Variants in DPP6 observed in about 807,000 individuals in gnomAD.
The protein encoded by DPP6 is A-type potassium channel modulatory protein DPP6.
A neutral mutation model predicts 122.6 loss-of-function variants in DPP6; 69 were observed. That is an observed-to-expected ratio of 0.56 (90% CI 0.46 to 0.69). DPP6 has a LOEUF of 0.69. DPP6 is among the 30% of genes least tolerant of loss of function. DPP6 has a pLI of 0.00. For missense variants in DPP6, 928 were observed against 1,116.9 expected (o/e 0.83, Z 2.41); for synonymous variants, 418 against 433.1 (o/e 0.97, Z 0.43).
chr7:154,256,967 G>A (rs1345264511), intron 1 of DPP6, among the ~76,000 whole-genome samples: 2 of 149,540 alleles, frequency 1.3e-5, no homozygotes, highest in Non-Finnish European at 3.0e-5. Flanking sequence ...ACCCCCTTGG[G>A]TTCTTTTTTC....
chr7:154,712,704 T>C (rs1444287492), intron 7 of DPP6, among the ~76,000 whole-genome samples: 2 of 152,084 alleles, frequency 1.3e-5, no homozygotes, highest in African/African-American at 4.8e-5. Context: ...CATAACAGGA[T>C]AGGGGAAAAC....
chr7:154,184,377 A>G (rs933848937), intron 1 of DPP6, among the ~76,000 whole-genome samples: 11 of 151,922 alleles, frequency 7.2e-5, no homozygotes, highest in Non-Finnish European at 1.2e-4. Context: ...CCAGAGGCCG[A>G]GAATGTCGTG....
chr7:154,451,361 C>CAAA (rs397890050), intron 2 of DPP6, among the ~76,000 whole-genome samples: 12 of 122,142 alleles, frequency 9.8e-5, no homozygotes, highest in Admixed American at 1.7e-4. Context: ...CCTGTCTCAC[C>CAAA]AAAAAAAAAA....
At chr7:153,907,117 C>T (rs1164159200) in intron 1 of DPP6, among the ~76,000 whole-genome samples, 1 of 152,208 alleles carries the variant, frequency 6.6e-6, no homozygotes, top group Non-Finnish European at 1.5e-5. Flanking sequence ...TACATTTCTA[C>T]CAATAGTATA....
In DPP6 at chr7:154,153,901, G is replaced by A. The variant is rs1447136850; in HGVS notation, c.243+100838G>A. ...GAGCTCAGAAGCAGGGGCTCCAGCC[G>A]TGGGTGGCAAACTCTCAAACCCAAT... On this transcript the variant is annotated intron_variant, in intron 1 of 25. Transcript: ENST00000377770. Among the ~76,000 whole-genome samples the A allele has an allele frequency of 8.5e-5, 13 of 152,316 alleles. No individual in the cohort carries two copies. The South Asian group carries it at 1.5e-3, about 17-fold the overall frequency.
intron 1 of DPP6, among the ~76,000 whole-genome samples, chr7:154,191,302 A>G (rs974168493): frequency 6.6e-6 from 1 of 152,352 alleles, no homozygotes; most frequent in African/African-American, 2.4e-5. Context: ...TTGACATTGA[A>G]TATGTAGAGA....
intron 1 of DPP6, among the ~76,000 whole-genome samples, chr7:153,923,624 G>A (rs551401992): frequency 6.6e-6 from 1 of 152,122 alleles, no homozygotes; most frequent in African/African-American, 2.4e-5. Flanking sequence ...AGCCGGGCAT[G>A]GTGGCGGGCA....
At chr7:154,205,584 T>G (rs1195138114) in intron 1 of DPP6, among the ~76,000 whole-genome samples, 1 of 152,122 alleles carries the variant, frequency 6.6e-6, no homozygotes, top group Non-Finnish European at 1.5e-5. Flanking sequence ...AACAGTTCCC[T>G]TCTTTGAGTG....
At chr7:154,256,694 C>T (rs1016913849) in intron 1 of DPP6, among the ~76,000 whole-genome samples, 10 of 152,172 alleles carry the variant, frequency 6.6e-5, no homozygotes, top group African/African-American at 2.4e-4. Context: ...GTGGTAAGTC[C>T]CCTTTGAGAA....
chr7:154,323,680 A>G (rs150523111), intron 1 of DPP6, among the ~76,000 whole-genome samples: 1 of 152,120 alleles, frequency 6.6e-6, no homozygotes, highest in Non-Finnish European at 1.5e-5. Flanking sequence ...TGAGCTTGCT[A>G]TTTTTACAGA....
chr7:153,862,684 A>G, the DPP6 span, among the ~76,000 whole-genome samples: 1 of 152,232 alleles, frequency 6.6e-6, no homozygotes, highest in Admixed American at 6.5e-5. Flanking sequence ...GCTTGCCAAG[A>G]AAAGAACAAG....
chr7:154,842,820 T>C (rs1383188189), intron 16 of DPP6, among the ~76,000 whole-genome samples: 2 of 152,254 alleles, frequency 1.3e-5, no homozygotes, highest in East Asian at 1.9e-4. Context: ...GCTGAGCAGA[T>C]ACCATCAGTT....
intron 1 of DPP6, among the ~76,000 whole-genome samples, chr7:154,033,317 G>C (rs1357385147): frequency 6.6e-6 from 1 of 152,200 alleles, no homozygotes; most frequent in Non-Finnish European, 1.5e-5. Flanking sequence ...GGTTAAGACA[G>C]TGTTCCTTCT....
chr7:154,688,837 A>G (rs981665123), intron 7 of DPP6, among the ~76,000 whole-genome samples: 1 of 152,216 alleles, frequency 6.6e-6, no homozygotes, highest in Non-Finnish European at 1.5e-5. Flanking sequence ...CCACACAGAC[A>G]CACCCAAGAT....
In DPP6 at chr7:154,803,805, A is replaced by G. The variant is rs969315480; in HGVS notation, c.1408-59A>G. 1.1e-5 allele frequency: 18 copies of G among 1,569,536 alleles called. No homozygotes were observed. The African/African-American group carries it at 2.3e-4, about 20-fold the overall frequency. On this transcript the variant is annotated intron_variant, in intron 13 of 25. Coordinates refer to ENST00000377770, the MANE Select transcript of DPP6 (RefSeq NM_130797.4). Reference sequence around the variant, plus strand: ...TGTCCAAAACAGTTGGAGGATGAAGAGCCATGCTGGGGCCGGGACACCGGT... The same window carrying G: ...TGTCCAAAACAGTTGGAGGATGAAGGGCCATGCTGGGGCCGGGACACCGGT...
At chr7:154,889,735 A>T (rs1806451433) in intron 25 of DPP6, 2 of 787,512 alleles carry the variant, frequency 2.5e-6, no homozygotes, top group East Asian at 5.6e-5. Flanking sequence ...TCTGTACTTC[A>T]GCCCGGTTTA....
intron 1 of DPP6, among the ~76,000 whole-genome samples, chr7:154,199,993 G>A (rs1475711417): frequency 1.3e-5 from 2 of 152,168 alleles, no homozygotes; most frequent in African/African-American, 4.8e-5. Context: ...GGACTCACAG[G>A]CTGCTGGGCT....
chr7:153,776,247 C>G, the DPP6 span, among the ~76,000 whole-genome samples: 1 of 152,134 alleles, frequency 6.6e-6, no homozygotes, highest in African/African-American at 2.4e-5. Flanking sequence ...ACCCAAATCT[C>G]ATCTTGAATT....
chr7:153,837,340 G>C, the DPP6 span, among the ~76,000 whole-genome samples: 1 of 152,170 alleles, frequency 6.6e-6, no homozygotes, highest in African/African-American at 2.4e-5. Context: ...CAAGTATTAT[G>C]ATAACTAACT....
Sources: gnomAD v4.1 joint callset for allele counts (sites outside exome capture counted in the v4.1 genomes callset) on GRCh38, gnomAD v4.1.1 for gene constraint, MANE v1.5 for transcripts, NCBI Gene and HGNC (gene_info 2026-07-23, HGNC 2026-07-21) for gene names.